MKLN1: variants seen among roughly 807,000 people sequenced by gnomAD.
The protein encoded by MKLN1 is muskelin 1.
Under a neutral mutation model 99.0 loss-of-function variants are expected in MKLN1, and 18 were observed. That is an observed-to-expected ratio of 0.18 (90% CI 0.13 to 0.27). The LOEUF is 0.27. Ranked by LOEUF, MKLN1 falls within the 10% of genes least tolerant of loss-of-function variation. The probability of loss-of-function intolerance (pLI) is 1.00; values close to 1 mark genes in which losing one functional copy is unlikely to be tolerated. For missense variants in MKLN1, 621 were observed against 875.9 expected (o/e 0.71, Z 3.67); for synonymous variants, 288 against 293.2 (o/e 0.98, Z 0.18).
chr7:131,140,690 G>A (rs1383566653), intron 1 of MKLN1, among the ~76,000 whole-genome samples: 4 of 152,072 alleles, frequency 2.6e-5, no homozygotes, highest in Admixed American at 6.6e-5. Context: ...GCAGAACTGT[G>A]AGCCAAATAA....
intron 1 of MKLN1, among the ~76,000 whole-genome samples, chr7:131,356,310 G>T (rs994053191): frequency 2.0e-5 from 3 of 152,032 alleles, no homozygotes; most frequent in Admixed American, 6.6e-5. Flanking sequence ...GCTGCAACCA[G>T]TTATTACTTT....
At chr7:131,244,134 T>G (rs1014465849) in intron 3 of MKLN1, among the ~76,000 whole-genome samples, 5 of 152,182 alleles carry the variant, frequency 3.3e-5, no homozygotes, top group African/African-American at 9.6e-5. Context: ...TGGTACCCGA[T>G]TTCCCTCTAC....
Position 131,140,227 on chromosome 7 carries a change from C to T in MKLN1, c.-418-2593C>T, listed in dbSNP as rs180917451. ...CTTGATAGCATTTGCCTTTGTGGAC[C>T]ACAGCCTACTCCTTGAAACATGCTT... On this transcript the variant is annotated intron_variant, in intron 1 of 7. Coordinates refer to the MKLN1 transcript ENST00000416992. Among the ~76,000 whole-genome samples, 178 of 152,222 alleles carry T rather than the reference C, an allele frequency of 1.2e-3. 1 individual carries two copies. The highest frequency in any genetic ancestry group is 3.8e-3 in the African/African-American group (157 of 41,526).
rs138510614 is a variant in MKLN1, at chr7:131,479,284, G to A, written c.2086+607G>A. Among the ~76,000 whole-genome samples the A allele has an allele frequency of 2.2e-3, 341 of 151,858 alleles. 3 individuals are homozygous for A. The highest frequency in any genetic ancestry group is 7.2e-3 in the African/African-American group (299 of 41,374). Reference sequence around the variant, plus strand: ...GGCACAGTGGCTCACACCTATAATCGTAGCACTTTGGGATGCTGATGTTTG... The same window carrying A: ...GGCACAGTGGCTCACACCTATAATCATAGCACTTTGGGATGCTGATGTTTG... On this transcript the variant is annotated intron_variant, in intron 17 of 17. Coordinates refer to ENST00000352689, the MANE Select transcript of MKLN1 (RefSeq NM_013255.5).
intron 3 of MKLN1, among the ~76,000 whole-genome samples, chr7:131,252,219 A>G (rs1797592131): frequency 6.6e-6 from 1 of 152,148 alleles, no homozygotes; most frequent in African/African-American, 2.4e-5. Flanking sequence ...CACGAAGAAC[A>G]GTAGGGGGAA....
At chr7:131,449,576 A>G (rs1359352140) in intron 12 of MKLN1, among the ~76,000 whole-genome samples, 1 of 152,220 alleles carries the variant, frequency 6.6e-6, no homozygotes, top group African/African-American at 2.4e-5. Context: ...TGTTGCAGTT[A>G]TACTTGGAAT....
intron 4 of MKLN1, among the ~76,000 whole-genome samples, chr7:131,391,903 C>G (rs1584689269): frequency 6.6e-6 from 1 of 152,166 alleles, no homozygotes; most frequent in Non-Finnish European, 1.5e-5. Flanking sequence ...ATTCTAGGGA[C>G]TTTGATGGGA....
Position 131,399,844 on chromosome 7 carries a change from T to C in MKLN1, c.703+411T>C, listed in dbSNP as rs1376670966. Reference sequence around the variant, plus strand: ...TATATAAGGAACAAGGAGATTTGTATTGAAAACAACTTCCTTGTGGTGTGA... The same window carrying C: ...TATATAAGGAACAAGGAGATTTGTACTGAAAACAACTTCCTTGTGGTGTGA... On this transcript the variant is annotated intron_variant, in intron 6 of 17. Coordinates refer to ENST00000352689, the MANE Select transcript of MKLN1 (RefSeq NM_013255.5). Among the ~76,000 whole-genome samples the C allele has an allele frequency of 2.0e-5, 3 of 152,344 alleles. No individual in the cohort carries two copies. The East Asian group carries it at 5.8e-4, about 29-fold the overall frequency.
At chr7:131,290,210 C>T (rs1798196492) in intron 3 of MKLN1, among the ~76,000 whole-genome samples, 1 of 152,172 alleles carries the variant, frequency 6.6e-6, no homozygotes, top group Non-Finnish European at 1.5e-5. Context: ...GAGGCTGAGG[C>T]AGGAGACTCT....
At chr7:131,421,507 C>A (rs189224778) in intron 8 of MKLN1, among the ~76,000 whole-genome samples, 2 of 152,086 alleles carry the variant, frequency 1.3e-5, no homozygotes, top group South Asian at 4.1e-4. Flanking sequence ...CCTGGCTCTA[C>A]CCCTGACTTC....
At chr7:131,130,497 G>T (rs1288139097) in intron 1 of MKLN1, among the ~76,000 whole-genome samples, 1 of 152,208 alleles carries the variant, frequency 6.6e-6, no homozygotes, top group African/African-American at 2.4e-5. Context: ...CCATTTCACA[G>T]AAGTGGAGCC....
intron 3 of MKLN1, among the ~76,000 whole-genome samples, chr7:131,289,235 C>T (rs1025359050): frequency 9.2e-5 from 14 of 152,270 alleles, no homozygotes; most frequent in Admixed American, 3.9e-4. Flanking sequence ...TAAATTGTTA[C>T]GTAATTTGGT....
rs1046202273 is a variant in MKLN1 at position 131,495,091 on chromosome 7, G to A, written c.*7363G>A. The A allele has an allele frequency of 1.3e-5, 2 of 152,098 alleles. No individual in the cohort carries two copies. Among genetic ancestry groups the A allele is most frequent in the African/African-American group, 2.4e-5 (1 of 41,400 alleles). 9.4% of individuals were successfully genotyped at this position (152,098 alleles called of 1,614,324 possible). A position where few individuals can be genotyped will look rare whatever the true frequency, so the allele number is the denominator to read the frequency against. On this transcript the variant is annotated 3_prime_UTR_variant, in exon 18 of 18. Coordinates refer to ENST00000352689, the MANE Select transcript of MKLN1 (RefSeq NM_013255.5). Reference sequence around the variant, plus strand: ...TGGTCTTGGGAACAAACAGTATTCCGTCTTTCAAATATGGCATATTTCTAA... The same window carrying A: ...TGGTCTTGGGAACAAACAGTATTCCATCTTTCAAATATGGCATATTTCTAA...
At chr7:131,364,865 A>T (rs774529258) in intron 1 of MKLN1, among the ~76,000 whole-genome samples, 9 of 152,158 alleles carry the variant, frequency 5.9e-5, no homozygotes, top group Non-Finnish European at 8.8e-5. Context: ...ACTGGTGGAC[A>T]TTTAGGTTGA....
At chr7:131,451,541 A>ATC (rs1260976417) in intron 12 of MKLN1, among the ~76,000 whole-genome samples, 1 of 152,164 alleles carries the variant, frequency 6.6e-6, no homozygotes, top group Non-Finnish European at 1.5e-5. Context: ...TGAATGTACC[A>ATC]TCTTAGATTT....
chr7:131,388,028 A>G (rs1322520834), intron 3 of MKLN1, among the ~76,000 whole-genome samples: 1 of 152,100 alleles, frequency 6.6e-6, no homozygotes, highest in Admixed American at 6.5e-5. Flanking sequence ...TTAGCTGGAC[A>G]TGGTAGCGGA....
intron 8 of MKLN1, among the ~76,000 whole-genome samples, chr7:131,428,363 G>A (rs939319244): frequency 6.6e-6 from 1 of 152,094 alleles, no homozygotes; most frequent in South Asian, 2.1e-4. Flanking sequence ...TTTCTGATGA[G>A]TTAAATGTAC....
intron 16 of MKLN1, among the ~76,000 whole-genome samples, chr7:131,475,813 G>T (rs1796949059): frequency 1.3e-5 from 2 of 152,024 alleles, no homozygotes; most frequent in Admixed American, 1.3e-4. Context: ...TCCTATCTCA[G>T]AATAAATTAG....
chr7:131,374,758 A>G (rs1793587014), intron 1 of MKLN1, among the ~76,000 whole-genome samples: 1 of 151,970 alleles, frequency 6.6e-6, no homozygotes, highest in Non-Finnish European at 1.5e-5. Flanking sequence ...AGTGCATCTT[A>G]CTCCAAAGAT....
Sources: allele counts gnomAD v4.1 joint callset (sites outside exome capture counted in the v4.1 genomes callset), GRCh38; gene constraint gnomAD v4.1.1; transcripts MANE v1.5; gene names NCBI Gene and HGNC (gene_info 2026-07-23, HGNC 2026-07-21).